ATP2A3: variants seen among roughly 807,000 people sequenced by gnomAD.
The protein encoded by ATP2A3 is ATPase sarcoplasmic/endoplasmic reticulum Ca2+ transporting 3.
ATP2A3 carries 61 observed loss-of-function variants against 106.8 expected under a neutral mutation model. The ratio of observed to expected loss-of-function variants is 0.57; its 90% confidence interval spans 0.46 to 0.71. The LOEUF (loss-of-function observed/expected upper bound fraction) is 0.71, where lower values mean the gene tolerates loss of function less well. Ranked by LOEUF, ATP2A3 falls within the 30% of genes least tolerant of loss-of-function variation. ATP2A3 has a pLI of 0.00. For missense variants in ATP2A3, 1,201 were observed against 1,423.5 expected, an observed-to-expected ratio of 0.84 and a Z score of 2.52; for synonymous variants, 611 against 609.3, an observed-to-expected ratio of 1.00 and a Z score of -0.04.
At position 3,947,777 on chromosome 17, in the gene ATP2A3, T is replaced by A; in HGVS notation, c.709A>T (p.Ser237Cys). ...GLHTELGKIR[S>C]QMAAVEPERT... The stretch of plus-strand genomic sequence containing the variant: ...TCGGGCTCGACTGCCGCCATCTGGC[T>A]CCGGATCTTGCCCAGCTCCGTGTGC... The change falls in exon 8 of 21, where the codon AGC becomes TGC. Residue 237 changes from serine to cysteine, a missense_variant. Physicochemically the swap from Ser to Cys is moderately radical, Grantham distance 112. Transcript: ENST00000397041. The surrounding 1 kb of genome is among the most constrained non-coding windows in gnomAD (Gnocchi z 7.7). 1 of 1,602,986 alleles carries A rather than the reference T, an allele frequency of 6.2e-7. No individual in the cohort carries two copies. The highest frequency in any genetic ancestry group is 8.5e-7 in the Non-Finnish European group (1 of 1,179,822).
intron 11 of ATP2A3, 92 bp downstream of exon 11, chr17:3,943,299 A>G: frequency 6.4e-7 from 1 of 1,555,256 alleles, no homozygotes; most frequent in South Asian, 1.2e-5. Flanking sequence ...AAACGAAACA[A>G]AACAAAAACT....
intron 1 of ATP2A3, among the ~76,000 whole-genome samples, chr17:3,958,767 T>TATATGTACAC (rs1567726415): frequency 3.4e-5 from 5 of 145,498 alleles, no homozygotes; most frequent in African/African-American, 1.3e-4. Context: ...TACACACACA[T>TATATGTACAC]ATATATACAC....
At position 3,944,764 on chromosome 17, in the gene ATP2A3, C is replaced by T. The variant is rs753652736; in HGVS notation, c.1227G>A (p.Gly409=). 1.9e-6 allele frequency: 3 copies of T among 1,612,842 alleles called. No homozygotes were observed. The African/African-American group carries it at 4.0e-5, about 22-fold the overall frequency. ...CGCAGATGGTCGCCAGCTCCACCAG[C>T]CCGTCGAACTGGCCGCAGCGCACAG... ...DQPVRCGQFD[G]LVELATICAL... is the part of the protein sequence containing the mutation. Residue 409 remains glycine (G), a synonymous_variant, in exon 10 of 21, where the codon GGG becomes GGA. Coordinates refer to ENST00000397041, the MANE Select transcript of ATP2A3 (RefSeq NM_005173.4).
chr17:3,964,315 C>A lies in ATP2A3; in HGVS notation c.-24G>T, dbSNP rs973745061. 7 of 1,188,086 alleles carry A rather than the reference C, an allele frequency of 5.9e-6. No individual in the cohort carries two copies. Among genetic ancestry groups the A allele is most frequent in the South Asian group, 2.2e-5 (1 of 46,214 alleles). The allele number at this position is 1,188,086 out of a possible 1,614,324, so 73.6% of individuals were successfully genotyped here. On this transcript the variant is annotated 5_prime_UTR_variant, in exon 1 of 21. Transcript: ENST00000397041. ...ATGCCGCCCGCCCGGCCGTCTGCGC[C>A]GTCCGCACCGTCGAGGCCGCCTCTC...
intron 8 of ATP2A3, among the ~76,000 whole-genome samples, chr17:3,946,031 A>G (rs539116190): frequency 2.1e-5 from 3 of 145,624 alleles, no homozygotes; most frequent in South Asian, 2.2e-4. Flanking sequence ...GTGGATCACG[A>G]GGTCAAGCTT....
In ATP2A3 at chr17:3,953,454, G is replaced by T; in HGVS notation, c.137-25C>A. On this transcript the variant is annotated intron_variant, in intron 2 of 20. Coordinates refer to ENST00000397041, the MANE Select transcript of ATP2A3 (RefSeq NM_005173.4). This position sits in a 1 kb window ranked among gnomAD's most constrained non-coding sequence, Gnocchi z 5.1. Reference sequence around the variant, plus strand: ...CCTGGGAACGGGGGTCATGTGTGAGGCTGGGCCCCCACCACTGACCCTGCC... The same window carrying T: ...CCTGGGAACGGGGGTCATGTGTGAGTCTGGGCCCCCACCACTGACCCTGCC... 6.2e-7 allele frequency: 1 copy of T among 1,611,024 alleles called. No homozygotes were observed. Among genetic ancestry groups the T allele is most frequent in the East Asian group, 2.2e-5 (1 of 44,864 alleles).
intron 11 of ATP2A3, among the ~76,000 whole-genome samples, 178 bp from the exon 12 acceptor site, chr17:3,942,909 G>A (rs932983892): frequency 6.6e-6 from 1 of 152,104 alleles, no homozygotes; most frequent in Non-Finnish European, 1.5e-5. Flanking sequence ...ATGGCAATAC[G>A]ATGCCGTTTG....
Position 3,941,661 on chromosome 17 carries a change from G to A in ATP2A3, c.1546-7C>T. On this transcript the variant is annotated splice_polypyrimidine_tract_variant and splice_region_variant and intron_variant, in intron 12 of 20. Transcript: ENST00000397041. The stretch of plus-strand genomic sequence containing the variant: ...TCACACTCTCAGGAGCCCCCTGCGA[G>A]GTGGGGAGAGGGAGAAGAGGTAACT... 6.2e-7 allele frequency: 1 copy of A among 1,604,318 alleles called. No individual in the cohort carries two copies. The highest frequency in any genetic ancestry group is 8.5e-7 in the Non-Finnish European group (1 of 1,179,864).
Position 3,953,421 on chromosome 17 carries a change from G to A in ATP2A3, c.145C>T (p.Leu49=), listed in dbSNP as rs2054570507. ...NELPSEEGKS[L]WELVLEQFED... Reference sequence around the variant, plus strand: ...AACTGTTCCAGCACCAGCTCCCACAGGGACTTCCCTGGGAACGGGGGTCAT... The same window carrying A: ...AACTGTTCCAGCACCAGCTCCCACAAGGACTTCCCTGGGAACGGGGGTCAT... Residue 49 remains leucine (L), a synonymous_variant, in exon 3 of 21, where the codon CTG becomes TTG. Coordinates refer to ENST00000397041, the MANE Select transcript of ATP2A3 (RefSeq NM_005173.4). The surrounding 1 kb of genome is among the most constrained non-coding windows in gnomAD (Gnocchi z 5.1). 6.2e-7 allele frequency: 1 copy of A among 1,613,876 alleles called. No individual in the cohort carries two copies. The highest frequency in any genetic ancestry group is 1.7e-5 in the Admixed American group (1 of 60,004).
chr17:3,939,966 G>A (rs1597607076), intron 14 of ATP2A3, among the ~76,000 whole-genome samples: 1 of 148,562 alleles, frequency 6.7e-6, no homozygotes, highest in South Asian at 2.1e-4. Flanking sequence ...CCTGTTTTGC[G>A]ACGAAGGACA....
intron 8 of ATP2A3, among the ~76,000 whole-genome samples, chr17:3,945,788 C>T (rs1437639224): frequency 6.6e-6 from 1 of 152,154 alleles, no homozygotes; most frequent in Non-Finnish European, 1.5e-5. Flanking sequence ...GTGGACATGG[C>T]CTCACCGCAC....
At position 3,936,521 on chromosome 17, in the gene ATP2A3, G is replaced by A. The variant is rs1264738677; in HGVS notation, c.2322-52C>T. 6.3e-7 allele frequency: 1 copy of A among 1,591,424 alleles called. No homozygotes were observed. Among genetic ancestry groups the A allele is most frequent in the South Asian group, 1.1e-5 (1 of 90,538 alleles). ...CCGGTAGGCCTAGCCCCCGGCAGAT[G>A]CAGGCTCCAGCTCCTGCTCAGACCC... On this transcript the variant is annotated intron_variant, in intron 15 of 20. Transcript: ENST00000397041. The surrounding 1 kb of genome is among the most constrained non-coding windows in gnomAD (Gnocchi z 5.4).
rs148555138 is a variant in ATP2A3 at position 3,964,303 on chromosome 17, G to A, written c.-12C>T. The A allele has an allele frequency of 0.061, 75,313 of 1,239,298 alleles. 2,633 individuals carry two copies. Among genetic ancestry groups the A allele is most frequent in the Non-Finnish European group, 0.066 (64,880 of 976,750 alleles). The allele number at this position is 1,239,298 out of a possible 1,614,324, so 76.8% of individuals were successfully genotyped here. ...TGCGCCGCCTCCATGCCGCCCGCCC[G>A]GCCGTCTGCGCCGTCCGCACCGTCG... is the stretch of plus-strand genomic sequence containing the variant. On this transcript the variant is annotated 5_prime_UTR_variant, in exon 1 of 21. Transcript: ENST00000397041.
intron 14 of ATP2A3, among the ~76,000 whole-genome samples, chr17:3,940,415 G>A (rs931162915): frequency 6.6e-6 from 1 of 152,184 alleles, no homozygotes; most frequent in Admixed American, 6.5e-5. Flanking sequence ...AAGAATGGCT[G>A]CATGGACAGG....
chr17:3,951,543 A>ACCGCCCCCCCCCCCGGGCCCCCCCCCGGG, intron 4 of ATP2A3, 38 bp downstream of exon 4: 1 of 1,387,008 alleles, frequency 7.2e-7, no homozygotes. Flanking sequence ...TGGCTGGGAG[A>ACCGCCCCCCCCCCCGGGCCCCCCCCCGGG]CCGCCCCCCG....
chr17:3,930,249 G>GC lies in ATP2A3; in HGVS notation c.2744+51dup. 1 of 1,401,392 alleles carries GC rather than the reference G, an allele frequency of 7.1e-7. No homozygotes were observed. Among genetic ancestry groups the GC allele is most frequent in the South Asian group, 1.5e-5 (1 of 66,226 alleles). 86.8% of individuals were successfully genotyped at this position (1,401,392 alleles called of 1,614,324 possible). ...TCAGACACTGATACTGGAACCCCCA[G>GC]CCCTCAGCCCCCACTCCTCGGCCCC... On this transcript the variant is annotated intron_variant, in intron 18 of 20. Coordinates refer to ENST00000397041, the MANE Select transcript of ATP2A3 (RefSeq NM_005173.4). The surrounding 1 kb of genome is among the most constrained non-coding windows in gnomAD (Gnocchi z 5.4).
intron 12 of ATP2A3, 46 bp from the exon 13 acceptor site, chr17:3,941,700 C>A: frequency 1.3e-6 from 2 of 1,580,046 alleles, no homozygotes; most frequent in Non-Finnish European, 1.7e-6. Context: ...CAGTCAGAAC[C>A]CCTCCTCTCC....
In ATP2A3 at chr17:3,924,658, G is replaced by GGGGAACCCTGAGTCCAGGA. The variant is rs141379404; in HGVS notation, c.*745_*763dup. 0.072 allele frequency: 30,306 copies of GGGGAACCCTGAGTCCAGGA among 423,454 alleles called. 1,568 individuals are homozygous for GGGGAACCCTGAGTCCAGGA. Among genetic ancestry groups the GGGGAACCCTGAGTCCAGGA allele is most frequent in the East Asian group, 0.24 (3,219 of 13,666 alleles). The allele number at this position is 423,454 out of a possible 1,614,324, so 26.2% of individuals were successfully genotyped here. A position where few individuals can be genotyped will look rare whatever the true frequency, so the allele number is the denominator to read the frequency against. On this transcript the variant is annotated 3_prime_UTR_variant, in exon 21 of 21. Coordinates refer to ENST00000397041, the MANE Select transcript of ATP2A3 (RefSeq NM_005173.4). The surrounding 1 kb of genome is among the most constrained non-coding windows in gnomAD (Gnocchi z 6.4). Reference sequence around the variant, plus strand: ...TCTGAACATCTCCCGAGCTCAGGACGGGGAACCCTGAGTCCAGGAGGCGCG... The same window carrying GGGGAACCCTGAGTCCAGGA: ...TCTGAACATCTCCCGAGCTCAGGACGGGGAACCCTGAGTCCAGGAGGGAACCCTGAGTCCAGGAGGCGCG...
chr17:3,957,250 A>T (rs565526785), intron 1 of ATP2A3, among the ~76,000 whole-genome samples: 25 of 152,278 alleles, frequency 1.6e-4, no homozygotes, highest in African/African-American at 5.8e-4. Flanking sequence ...TACACAACAG[A>T]GAGGTTGAGT....
Sources: allele counts gnomAD v4.1 joint callset (sites outside exome capture counted in the v4.1 genomes callset), GRCh38; gene constraint gnomAD v4.1.1; non-coding constraint Gnocchi (gnomAD v3.1); transcripts MANE v1.5; gene names NCBI Gene and HGNC (gene_info 2026-07-23, HGNC 2026-07-21).